The following ASXL2 variants were observed in gnomAD, a reference collection of about 807,000 sequenced individuals.
ASXL2 encodes ASXL transcriptional regulator 2.
In ASXL2, 23 loss-of-function variants were observed where a neutral mutation model predicts 122.0. The ratio of observed to expected loss-of-function variants is 0.19; its 90% CI spans 0.14 to 0.27. ASXL2 has a LOEUF of 0.27. ASXL2 is among the 10% of genes least tolerant of loss of function. The pLI is 1.00. For missense variants in ASXL2, 1,518 were observed against 1,713.8 expected (o/e 0.89, Z 2.02); for synonymous variants, 650 against 637.0 (o/e 1.02, Z -0.31).
chr2:25,761,566 G>A (rs562109300), intron 8 of ASXL2, among the ~76,000 whole-genome samples: 3 of 151,652 alleles, frequency 2.0e-5, no homozygotes, highest in South Asian at 2.1e-4. Flanking sequence ...CCAGCTACTC[G>A]GGAGGCTGAG....
At chr2:25,816,250 A>AAG (rs1553701944) in intron 3 of ASXL2, among the ~76,000 whole-genome samples, 4 of 152,036 alleles carry the variant, frequency 2.6e-5, no homozygotes, top group African/African-American at 9.7e-5. Flanking sequence ...AAAAAAAAAA[A>AAG]AAGTTAATAT....
chr2:25,837,081 G>T (rs1291927768), intron 2 of ASXL2, among the ~76,000 whole-genome samples: 1 of 87,278 alleles, frequency 1.1e-5, no homozygotes, highest in African/African-American at 4.3e-5. Context: ...CTCCAAAGGG[G>T]GGTGGGGGGG....
At chr2:25,842,768 ACGTG>A (rs1248469903) in intron 2 of ASXL2, among the ~76,000 whole-genome samples, 1 of 56,014 alleles carries the variant, frequency 1.8e-5, no homozygotes, top group East Asian at 8.0e-4. Flanking sequence ...GCGTGTGTGC[ACGTG>A]TGTGTGTGTG....
chr2:25,858,719 C>T (rs1371805865), intron 1 of ASXL2, among the ~76,000 whole-genome samples: 1 of 140,512 alleles, frequency 7.1e-6, no homozygotes, highest in Non-Finnish European at 1.6e-5. Context: ...GAGACCCCGC[C>T]TCAAAAAAAA....
intron 1 of ASXL2, among the ~76,000 whole-genome samples, chr2:25,867,741 G>A (rs1185866543): frequency 1.3e-5 from 2 of 152,086 alleles, no homozygotes; most frequent in Non-Finnish European, 2.9e-5. Flanking sequence ...CTTCCATTAT[G>A]CTACACAACA....
chr2:25,853,849 C>G (rs897669618), intron 1 of ASXL2, among the ~76,000 whole-genome samples: 1 of 151,708 alleles, frequency 6.6e-6, no homozygotes, highest in African/African-American at 2.4e-5. Flanking sequence ...TATGACAGAT[C>G]TAAAACACTT....
At position 25,759,660 on chromosome 2, in the gene ASXL2, A is replaced by G; in HGVS notation, c.776-15T>C. ...TTTCATTTGTCCTACAAAAACAGAG[A>G]AGAATCGTTTGGGCCTCCCTCACAA... is the stretch of plus-strand genomic sequence containing the variant. On this transcript the variant is annotated splice_polypyrimidine_tract_variant and intron_variant, in intron 8 of 12. Transcript: ENST00000435504. The G allele has an allele frequency of 6.2e-7, 1 of 1,601,982 alleles. No individual in the cohort carries two copies. Among genetic ancestry groups the G allele is most frequent in the Non-Finnish European group, 8.5e-7 (1 of 1,170,900 alleles).
chr2:25,837,615 G>A (rs1046439069), intron 2 of ASXL2, among the ~76,000 whole-genome samples: 1 of 152,110 alleles, frequency 6.6e-6, no homozygotes, highest in South Asian at 2.1e-4. Flanking sequence ...AGTTTGGGAG[G>A]CCAAGGTGGG....
At chr2:25,834,198 CAA>C (rs1559524197) in intron 3 of ASXL2, among the ~76,000 whole-genome samples, 1 of 151,920 alleles carries the variant, frequency 6.6e-6, no homozygotes, top group Non-Finnish European at 1.5e-5. Context: ...ACTAAAAATA[CAA>C]AAAGTAGCCG....
intron 4 of ASXL2, among the ~76,000 whole-genome samples, chr2:25,803,713 G>A (rs1339718500): frequency 6.6e-6 from 1 of 152,196 alleles, no homozygotes; most frequent in East Asian, 1.9e-4. Context: ...CAAATGTGCA[G>A]TTCACAATAG....
intron 3 of ASXL2, among the ~76,000 whole-genome samples, 184 bp downstream of exon 3, chr2:25,835,354 A>G (rs572539860): frequency 1.3e-3 from 196 of 152,340 alleles, no homozygotes; most frequent in African/African-American, 4.5e-3. Context: ...AACTGCAAGA[A>G]CCAAACAAAG....
intron 4 of ASXL2, 21 bp downstream of exon 4, chr2:25,806,208 A>C: frequency 2.0e-6 from 3 of 1,492,320 alleles, no homozygotes; most frequent in Non-Finnish European, 2.8e-6. Context: ...TTTCTAAATG[A>C]CTCCCCAACA....
intron 5 of ASXL2, among the ~76,000 whole-genome samples, chr2:25,784,221 A>T (rs1046337001): frequency 4.6e-5 from 7 of 152,240 alleles, no homozygotes; most frequent in African/African-American, 1.7e-4. Context: ...CACTGCCTCC[A>T]GCCTGGGTGA....
In ASXL2 at chr2:25,735,383, G is replaced by C. The variant is rs1428119896; in HGVS notation, c.*6646C>G. The C allele has an allele frequency of 6.6e-6, 1 of 152,166 alleles. No individual in the cohort carries two copies. Among genetic ancestry groups the C allele is most frequent in the Non-Finnish European group, 1.5e-5 (1 of 68,024 alleles). 9.4% of individuals were successfully genotyped at this position (152,166 alleles called of 1,614,324 possible). ...CCAAATTCTTCTTTAAAAAGCGCTA[G>C]AGTCCTGCTGAAGCCCTTTTTAATT... On this transcript the variant is annotated 3_prime_UTR_variant, in exon 13 of 13. Coordinates refer to ENST00000435504, the MANE Select transcript of ASXL2 (RefSeq NM_018263.6).
chr2:25,817,775 C>A (rs2089255907), intron 3 of ASXL2, among the ~76,000 whole-genome samples: 1 of 152,088 alleles, frequency 6.6e-6, no homozygotes, highest in Non-Finnish European at 1.5e-5. Flanking sequence ...CTTAAAAAGA[C>A]ACACTGAATA....
intron 1 of ASXL2, among the ~76,000 whole-genome samples, chr2:25,871,921 T>A (rs2089964845): frequency 6.6e-6 from 1 of 152,234 alleles, no homozygotes; most frequent in African/African-American, 2.4e-5. Context: ...AAATTATGCA[T>A]CAGAGCAGTT....
At chr2:25,815,271 G>A (rs2089219366) in intron 3 of ASXL2, among the ~76,000 whole-genome samples, 3 of 151,960 alleles carry the variant, frequency 2.0e-5, no homozygotes, top group Admixed American at 6.6e-5. Flanking sequence ...AAAATAATCT[G>A]ACCTTGACCA....
chr2:25,833,035 A>G (rs528737135), intron 3 of ASXL2, among the ~76,000 whole-genome samples: 2 of 152,238 alleles, frequency 1.3e-5, no homozygotes, highest in Non-Finnish European at 2.9e-5. Flanking sequence ...GGCAAGGGGT[A>G]CTAGGGAAGT....
chr2:25,794,087 A>C (rs1039517331), intron 5 of ASXL2, among the ~76,000 whole-genome samples: 15 of 152,216 alleles, frequency 9.9e-5, no homozygotes, highest in Non-Finnish European at 2.2e-4. Flanking sequence ...CAGTAACTTA[A>C]CACACATGTA....
Sources: allele counts gnomAD v4.1 joint callset (sites outside exome capture counted in the v4.1 genomes callset), GRCh38; gene constraint gnomAD v4.1.1; transcripts MANE v1.5; gene names NCBI Gene and HGNC (gene_info 2026-07-23, HGNC 2026-07-21).